TFB1M: variants seen among roughly 807,000 people sequenced by gnomAD.
TFB1M encodes dimethyladenosine transferase 1, mitochondrial.
Under a neutral mutation model 31.1 loss-of-function variants are expected in TFB1M, and 27 were observed. The ratio of observed to expected loss-of-function variants is 0.87; its 90% CI spans 0.64 to 1.20. The LOEUF is 1.20. TFB1M is among the 50% of genes most tolerant of loss of function. The probability of loss-of-function intolerance (pLI) is 0.00; values close to 1 mark genes in which losing one functional copy is unlikely to be tolerated. For synonymous variants in TFB1M, 166 were observed against 151.8 expected (o/e 1.09, Z -0.69); for missense variants, 394 against 418.7 (o/e 0.94, Z 0.51).
chr6:155,289,789 T>G (rs1308010023), intron 4 of TFB1M, among the ~76,000 whole-genome samples: 6 of 152,172 alleles, frequency 3.9e-5, no homozygotes, highest in Admixed American at 3.9e-4. Context: ...TCCCCAATGT[T>G]GGAGGAGGGG....
downstream of TFB1M, chr6:155,253,030 A>G (rs779513380): frequency 3.7e-6 from 6 of 1,613,996 alleles, no homozygotes; most frequent in East Asian, 1.1e-4. Flanking sequence ...TCCGCGCTTC[A>G]AGTCAGACTG....
chr6:155,307,837 G>A (rs1012233538), intron 2 of TFB1M, among the ~76,000 whole-genome samples: 3 of 151,400 alleles, frequency 2.0e-5, no homozygotes, highest in Admixed American at 2.0e-4. Flanking sequence ...TTTTAAGAAA[G>A]TTTAAGAATT....
chr6:155,251,561 A>G (rs955652223), downstream of TFB1M, among the ~76,000 whole-genome samples: 6 of 152,180 alleles, frequency 3.9e-5, no homozygotes, highest in African/African-American at 1.4e-4. Flanking sequence ...TGCTGGGATT[A>G]CAGGCATTAG....
chr6:155,300,954 A>G (rs162973), intron 2 of TFB1M, among the ~76,000 whole-genome samples: 106,885 of 151,806 alleles, frequency 0.7, 38,042 homozygotes, highest in East Asian at 0.98. Flanking sequence ...ACAGGTGTGC[A>G]CTACCACACC....
chr6:155,253,128 G>A, downstream of TFB1M: 1 of 1,268,428 alleles, frequency 7.9e-7, no homozygotes, highest in East Asian at 2.4e-5. Context: ...ATTAAGAAAG[G>A]ACCTTGGGGA....
chr6:155,238,189 G>A, the TFB1M span, among the ~76,000 whole-genome samples: 1,941 of 152,294 alleles, frequency 0.013, 31 homozygotes, highest in Non-Finnish European at 0.016. Flanking sequence ...GCAAAATGCC[G>A]CCAAGCTGTT....
chr6:155,286,291 A>G (rs1391338684), intron 4 of TFB1M, among the ~76,000 whole-genome samples: 1 of 152,024 alleles, frequency 6.6e-6, no homozygotes, highest in Non-Finnish European at 1.5e-5. Flanking sequence ...TTATAAGCAA[A>G]TATCTATGAC....
At position 155,298,684 on chromosome 6, in the gene TFB1M, G is replaced by C. The variant is rs1227592568; in HGVS notation, c.286-99C>G. On this transcript the variant is annotated intron_variant, in intron 2 of 6. Transcript: ENST00000367166. ...TGCATTTAAAAAATCAGTTAAAAAA[G>C]TCAGAGACCAGGGGTGATCATTAAT... is the stretch of plus-strand genomic sequence containing the variant. 3.8e-6 allele frequency: 3 copies of C among 795,012 alleles called. No individual in the cohort carries two copies. In the African/African-American group the frequency reaches 5.1e-5, roughly 14 times the overall value. 49.2% of individuals were successfully genotyped at this position (795,012 alleles called of 1,614,324 possible). A position where few individuals can be genotyped will look rare whatever the true frequency, so the allele number is the denominator to read the frequency against.
rs776946724 is a variant in TFB1M, at chr6:155,276,191, C to T, written c.666+8967G>A. The stretch of plus-strand genomic sequence containing the variant: ...TCTGACAGTTCCAGAAAGCAACAAA[C>T]ATGAACCTGGAGGAGCTATCTATAT... On this transcript the variant is annotated intron_variant, in intron 5 of 6. Transcript: ENST00000367166. 6 of 1,614,118 alleles carry T rather than the reference C, an allele frequency of 3.7e-6. No homozygotes were observed. The South Asian group carries it at 5.5e-5, about 15-fold the overall frequency.
At chr6:155,269,387 T>C (rs1392977125) in intron 5 of TFB1M, among the ~76,000 whole-genome samples, 2 of 144,712 alleles carry the variant, frequency 1.4e-5, no homozygotes. Flanking sequence ...TATGACACGA[T>C]CTTGGCTCAA....
intron 5 of TFB1M, among the ~76,000 whole-genome samples, chr6:155,274,286 A>G (rs949694376): frequency 6.6e-6 from 1 of 152,240 alleles, no homozygotes; most frequent in African/African-American, 2.4e-5. Context: ...ATTTTTCTCA[A>G]ATAAGGCAGT....
intron 5 of TFB1M, among the ~76,000 whole-genome samples, chr6:155,271,150 A>G (rs1332671573): frequency 6.6e-6 from 1 of 152,276 alleles, no homozygotes; most frequent in East Asian, 1.9e-4. Flanking sequence ...AAATGATTAA[A>G]GTCTAACATG....
intron 2 of TFB1M, among the ~76,000 whole-genome samples, chr6:155,302,307 G>A (rs892531009): frequency 2.6e-5 from 4 of 152,096 alleles, no homozygotes; most frequent in Non-Finnish European, 5.9e-5. Context: ...ATAAATATTT[G>A]TAACAGGGCT....
At chr6:155,244,406 T>C in the TFB1M span, among the ~76,000 whole-genome samples, 1 of 152,248 alleles carries the variant, frequency 6.6e-6, no homozygotes, top group Admixed American at 6.5e-5. Flanking sequence ...TTTTTCTTAA[T>C]TTGAATTCTG....
chr6:155,309,659 A>G (rs909800571), intron 2 of TFB1M, among the ~76,000 whole-genome samples: 2 of 152,208 alleles, frequency 1.3e-5, no homozygotes, highest in Non-Finnish European at 2.9e-5. Context: ...GAGGGACAAG[A>G]AGTCTTTTTA....
chr6:155,309,857 T>G (rs1777945625), intron 2 of TFB1M, among the ~76,000 whole-genome samples: 1 of 152,134 alleles, frequency 6.6e-6, no homozygotes, highest in Non-Finnish European at 1.5e-5. Context: ...AAAACAAAAA[T>G]CACTATTAAA....
chr6:155,296,751 T>C (rs770453965), intron 4 of TFB1M, among the ~76,000 whole-genome samples: 6 of 142,292 alleles, frequency 4.2e-5, no homozygotes, highest in Non-Finnish European at 7.6e-5. Context: ...ACATACATCA[T>C]TCATGTTTTC....
the TFB1M span, chr6:155,244,029 G>A: frequency 6.2e-7 from 1 of 1,614,024 alleles, no homozygotes; most frequent in Non-Finnish European, 8.5e-7. Context: ...CTGCCTCTTT[G>A]AATTATACTT....
At chr6:155,304,737 C>T (rs903223197) in intron 2 of TFB1M, among the ~76,000 whole-genome samples, 9 of 151,258 alleles carry the variant, frequency 6.0e-5, no homozygotes, top group Admixed American at 2.6e-4. Flanking sequence ...GAGAAAATGG[C>T]GGAGCAACTT....
Sources: gnomAD v4.1 joint callset for allele counts (sites outside exome capture counted in the v4.1 genomes callset) on GRCh38, gnomAD v4.1.1 for gene constraint, MANE v1.5 for transcripts, NCBI Gene and HGNC (gene_info 2026-07-23, HGNC 2026-07-21) for gene names.